The following HECW1 variants were observed in gnomAD, a reference collection of about 807,000 sequenced individuals.
HECW1 encodes the protein E3 ubiquitin-protein ligase HECW1.
Under a neutral mutation model 182.3 loss-of-function variants are expected in HECW1, and 61 were observed. That is an observed-to-expected ratio of 0.33 (90% CI 0.27 to 0.41). The LOEUF (loss-of-function observed/expected upper bound fraction) is 0.41, where lower values mean the gene tolerates loss of function less well. HECW1 is among the 10% of genes least tolerant of loss of function. The pLI, the probability that HECW1 is intolerant of heterozygous loss-of-function variation, is 1.00. For synonymous variants in HECW1, 859 were observed against 832.6 expected (o/e 1.03, Z -0.55); for missense variants, 1,739 against 2,108.9 (o/e 0.82, Z 3.44).
chr7:43,479,763 C>T lies in HECW1; in HGVS notation c.3234+19C>T, dbSNP rs371928003. The T allele has an allele frequency of 1.6e-4, 252 of 1,613,556 alleles. No individual in the cohort carries two copies. The African/African-American group carries it at 2.6e-3, about 17-fold the overall frequency. ...TGGAGAGGTAACCCTCCCTACACCC[C>T]GCCCTACTGTTCACCGGTCACAGTC... On this transcript the variant is annotated intron_variant, in intron 17 of 29. Coordinates refer to ENST00000395891, the MANE Select transcript of HECW1 (RefSeq NM_015052.5).
chr7:43,514,074 A>G (rs1046029550), intron 24 of HECW1, among the ~76,000 whole-genome samples: 6 of 152,168 alleles, frequency 3.9e-5, no homozygotes, highest in African/African-American at 1.2e-4. Context: ...AGATACTGCA[A>G]CCCACAGTGG....
In HECW1 at chr7:43,351,175, G is replaced by A. The variant is rs117347267; in HGVS notation, c.461-9711G>A. ...ACCCAGCGAGTCTACCTGCCTCCAGGCTGTTACTGGGGGTTATCTGCACAG... is the reference window on the plus strand; with the variant it reads ...ACCCAGCGAGTCTACCTGCCTCCAGACTGTTACTGGGGGTTATCTGCACAG... On this transcript the variant is annotated intron_variant, in intron 5 of 29. Coordinates refer to ENST00000395891, the MANE Select transcript of HECW1 (RefSeq NM_015052.5). 7.1e-3 allele frequency among the ~76,000 whole-genome samples: 1,079 copies of A among 152,296 alleles called. 5 individuals are homozygous for A. Among genetic ancestry groups the A allele is most frequent in the Non-Finnish European group, 0.011 (739 of 68,030 alleles).
intron 6 of HECW1, among the ~76,000 whole-genome samples, chr7:43,396,108 C>T (rs928947507): frequency 3.9e-5 from 6 of 152,188 alleles, no homozygotes; most frequent in African/African-American, 1.4e-4. Flanking sequence ...TACTCAAAAT[C>T]ATTTCTGAAT....
intron 3 of HECW1, among the ~76,000 whole-genome samples, chr7:43,259,236 C>A (rs76311481): frequency 0.033 from 4,969 of 152,004 alleles, 150 homozygotes; most frequent in East Asian, 0.17. Context: ...AAAATACAAA[C>A]ATTAGCCAGG....
chr7:43,504,622 A>T (rs1182753350), intron 21 of HECW1, among the ~76,000 whole-genome samples: 1 of 152,196 alleles, frequency 6.6e-6, no homozygotes, highest in Non-Finnish European at 1.5e-5. Context: ...CACAAGGCAG[A>T]TTATTAATTC....
At chr7:43,176,289 C>G (rs1792240589) in intron 2 of HECW1, among the ~76,000 whole-genome samples, 1 of 152,120 alleles carries the variant, frequency 6.6e-6, no homozygotes, top group Non-Finnish European at 1.5e-5. Flanking sequence ...AAAGAGGCTT[C>G]AGTCAGAAGG....
chr7:43,423,215 C>T (rs6971107), intron 8 of HECW1, among the ~76,000 whole-genome samples: 4,292 of 152,196 alleles, frequency 0.028, 192 homozygotes, highest in African/African-American at 0.098. Context: ...GCCCTAAAGA[C>T]GGCATTATTT....
intron 8 of HECW1, among the ~76,000 whole-genome samples, chr7:43,409,680 T>C (rs1307677293): frequency 6.6e-6 from 1 of 152,218 alleles, no homozygotes; most frequent in Non-Finnish European, 1.5e-5. Flanking sequence ...TGATCTAAAA[T>C]ATGCCTCATC....
intron 16 of HECW1, among the ~76,000 whole-genome samples, chr7:43,478,423 C>CA (rs933273116): frequency 2.0e-5 from 3 of 149,162 alleles, no homozygotes; most frequent in Non-Finnish European, 3.0e-5. Flanking sequence ...AACTCCGTCT[C>CA]AAAAAAAAAG....
rs373576994 is a variant in HECW1 at position 43,554,686 on chromosome 7, G to A, written c.4605G>A (p.Thr1535=). 1.4e-5 allele frequency: 23 copies of A among 1,613,916 alleles called. No homozygotes were observed. Among genetic ancestry groups the A allele is most frequent in the Admixed American group, 6.7e-5 (4 of 59,994 alleles). The part of the protein sequence containing the change: ...EQRLRLLQFV[T]GTSSVPYEGF... ...GGCTGAGATTACTGCAGTTTGTCAC[G>A]GGAACATCCAGCGTGCCCTACGAAG... The change falls in exon 29 of 30, where the codon ACG becomes ACA. Residue 1535 remains threonine (T), a synonymous_variant. Transcript: ENST00000395891.
intron 6 of HECW1, among the ~76,000 whole-genome samples, chr7:43,361,728 A>C (rs1815933547): frequency 1.3e-5 from 2 of 151,230 alleles, no homozygotes; most frequent in Non-Finnish European, 2.9e-5. Flanking sequence ...TTTCCTTTTC[A>C]CATAAATTTT....
intron 2 of HECW1, among the ~76,000 whole-genome samples, chr7:43,206,029 CA>C (rs1795445306): frequency 1.3e-5 from 2 of 152,190 alleles, no homozygotes; most frequent in South Asian, 4.1e-4. Context: ...TGAAATTCTC[CA>C]TAAGTATACA....
chr7:43,371,138 C>T lies in HECW1; in HGVS notation c.555+10158C>T, dbSNP rs550085888. On this transcript the variant is annotated intron_variant, in intron 6 of 29. Transcript: ENST00000395891. ...TCCTGACCTTGTGATCCACCCGCCT[C>T]GGCCTCCCAAAGTGCTGGGATTACA... Among the ~76,000 whole-genome samples, 113 of 152,238 alleles carry T rather than the reference C, an allele frequency of 7.4e-4. 1 individual carries two copies. The highest frequency in any genetic ancestry group is 2.5e-3 in the African/African-American group (104 of 41,540).
chr7:43,552,201 G>A, intron 27 of HECW1, 21 bp from the exon 28 acceptor site: 2 of 1,501,968 alleles, frequency 1.3e-6, no homozygotes, highest in Non-Finnish European at 1.9e-6. Flanking sequence ...CCTGGATGCT[G>A]AAGCCTAACC....
At chr7:43,124,642 G>T (rs1786012175) in intron 2 of HECW1, among the ~76,000 whole-genome samples, 1 of 152,148 alleles carries the variant, frequency 6.6e-6, no homozygotes, top group South Asian at 2.1e-4. Flanking sequence ...TGTCCTCAGG[G>T]TGCAGGCTGG....
chr7:43,550,694 A>G lies in HECW1; in HGVS notation c.4395+103A>G, dbSNP rs1394206979. 7 of 1,219,294 alleles carry G rather than the reference A, an allele frequency of 5.7e-6. No individual in the cohort carries two copies. The Admixed American group carries it at 1.1e-4, about 19-fold the overall frequency. The allele number at this position is 1,219,294 out of a possible 1,614,324, so 75.5% of individuals were successfully genotyped here. A position where few individuals can be genotyped will look rare whatever the true frequency, so the allele number is the denominator to read the frequency against. On this transcript the variant is annotated intron_variant, in intron 27 of 29. Coordinates refer to ENST00000395891, the MANE Select transcript of HECW1 (RefSeq NM_015052.5). The stretch of plus-strand genomic sequence containing the variant: ...AGGGAGCAGCAGCTCAGGTGGTGAA[A>G]ACAGAGAGGGAGAGCCAAGGTGGGC...
At chr7:43,337,062 AGTGG>A (rs1812387968) in intron 5 of HECW1, among the ~76,000 whole-genome samples, 1 of 152,126 alleles carries the variant, frequency 6.6e-6, no homozygotes, top group African/African-American at 2.4e-5. Context: ...GGTACCTAGT[AGTGG>A]GTTTGCTGGA....
intron 24 of HECW1, among the ~76,000 whole-genome samples, chr7:43,518,917 T>G (rs2080300900): frequency 6.6e-6 from 1 of 152,180 alleles, no homozygotes; most frequent in Non-Finnish European, 1.5e-5. Context: ...GAAACATGCA[T>G]GAAAGCAATT....
At chr7:43,422,346 T>A (rs888401951) in intron 8 of HECW1, among the ~76,000 whole-genome samples, 1 of 147,942 alleles carries the variant, frequency 6.8e-6, no homozygotes. Context: ...TCTCTTTTTT[T>A]AATTGTTTTT....
Sources: allele counts gnomAD v4.1 joint callset (sites outside exome capture counted in the v4.1 genomes callset), GRCh38; gene constraint gnomAD v4.1.1; transcripts MANE v1.5; gene names NCBI Gene and HGNC (gene_info 2026-07-23, HGNC 2026-07-21).